The following BRINP3 variants were observed in gnomAD, a reference collection of about 807,000 sequenced individuals.
BRINP3 encodes BMP/retinoic acid-inducible neural-specific protein 3.
BRINP3 carries 19 observed loss-of-function variants against 71.0 expected under a neutral mutation model. That is an observed-to-expected ratio of 0.27 (90% confidence interval 0.19 to 0.39). The LOEUF (loss-of-function observed/expected upper bound fraction) is 0.39, where lower values mean the gene tolerates loss of function less well. BRINP3 is among the 10% of genes least tolerant of loss of function. The pLI is 1.00. For synonymous variants in BRINP3, 380 were observed against 337.7 expected (o/e 1.13, Z -1.37); for missense variants, 959 against 940.8 (o/e 1.02, Z -0.25).
intron 6 of BRINP3, among the ~76,000 whole-genome samples, chr1:190,184,935 C>A (rs1571936168): frequency 6.6e-6 from 1 of 152,044 alleles, no homozygotes. Context: ...GAAATCCCTA[C>A]CATATTCCAT....
intron 7 of BRINP3, among the ~76,000 whole-genome samples, chr1:190,109,846 G>A (rs1038608879): frequency 2.6e-5 from 4 of 152,180 alleles, no homozygotes; most frequent in African/African-American, 9.7e-5. Flanking sequence ...TTCAGCCTCA[G>A]ACTGAGAGTT....
intron 2 of BRINP3, among the ~76,000 whole-genome samples, chr1:190,298,082 T>C (rs1241001243): frequency 6.6e-6 from 1 of 152,074 alleles, no homozygotes; most frequent in African/African-American, 2.4e-5. Flanking sequence ...TTTAAGAAAT[T>C]GGTCAGCTTA....
At chr1:190,365,081 T>C (rs1669395117) in intron 2 of BRINP3, among the ~76,000 whole-genome samples, 3 of 152,144 alleles carry the variant, frequency 2.0e-5, no homozygotes, top group Non-Finnish European at 1.5e-5. Context: ...TTGTGAAATA[T>C]TAAGACATTA....
chr1:190,218,737 C>G (rs191448164), intron 6 of BRINP3, among the ~76,000 whole-genome samples: 2 of 151,484 alleles, frequency 1.3e-5, no homozygotes, highest in African/African-American at 2.4e-5. Context: ...TACCTCCCCC[C>G]ACCCTCCTTG....
chr1:190,115,107 T>G (rs1418812160), intron 7 of BRINP3, among the ~76,000 whole-genome samples: 1 of 152,168 alleles, frequency 6.6e-6, no homozygotes, highest in East Asian at 1.9e-4. Flanking sequence ...AAGTTTTATC[T>G]CACTTATTCA....
intron 5 of BRINP3, among the ~76,000 whole-genome samples, chr1:190,233,992 T>C (rs954036592): frequency 2.0e-5 from 3 of 152,130 alleles, no homozygotes; most frequent in Non-Finnish European, 2.9e-5. Context: ...ATGTCAACAG[T>C]TCATTTTATA....
intron 2 of BRINP3, among the ~76,000 whole-genome samples, chr1:190,306,125 A>T (rs536763501): frequency 9.9e-4 from 151 of 152,010 alleles, no homozygotes; most frequent in African/African-American, 3.4e-3. Flanking sequence ...TTTGTAATGC[A>T]TCTATAAATA....
At chr1:190,113,094 T>A (rs531881353) in intron 7 of BRINP3, among the ~76,000 whole-genome samples, 1 of 152,164 alleles carries the variant, frequency 6.6e-6, no homozygotes, top group Non-Finnish European at 1.5e-5. Flanking sequence ...TCGAATTATA[T>A]TGTACACTTT....
rs61819058 is a variant in BRINP3 at position 190,289,316 on chromosome 1, G to C, written c.237-7566C>G. ...TCTTAAAGGGAATTCCTTTTAAAAT[G>C]TTAGATGATTTTTCCCACATAGTTG... On this transcript the variant is annotated intron_variant, in intron 2 of 7. Coordinates refer to ENST00000367462, the MANE Select transcript of BRINP3 (RefSeq NM_199051.3). Among the ~76,000 whole-genome samples, 767 of 151,986 alleles carry C rather than the reference G, an allele frequency of 5.0e-3. 4 individuals carry two copies. The highest frequency in any genetic ancestry group is 8.4e-3 in the Non-Finnish European group (570 of 67,844).
intron 2 of BRINP3, among the ~76,000 whole-genome samples, chr1:190,340,987 C>T (rs1463641036): frequency 6.6e-6 from 1 of 151,752 alleles, no homozygotes; most frequent in Non-Finnish European, 1.5e-5. Flanking sequence ...TGCTCTTGTG[C>T]AGTTTATACT....
At chr1:190,342,083 G>A (rs939890487) in intron 2 of BRINP3, among the ~76,000 whole-genome samples, 7 of 150,970 alleles carry the variant, frequency 4.6e-5, no homozygotes, top group Non-Finnish European at 1.0e-4. Flanking sequence ...TAACTTCAAA[G>A]TCAGCAGGGT....
intron 2 of BRINP3, among the ~76,000 whole-genome samples, chr1:190,326,863 G>C (rs2103066962): frequency 6.6e-6 from 1 of 152,032 alleles, no homozygotes; most frequent in South Asian, 2.1e-4. Context: ...TAAGTACATA[G>C]CCCACAGACC....
At chr1:190,181,077 C>T (rs1010508102) in intron 6 of BRINP3, among the ~76,000 whole-genome samples, 2 of 152,040 alleles carry the variant, frequency 1.3e-5, no homozygotes, top group East Asian at 3.9e-4. Flanking sequence ...TGTACCTAAC[C>T]CCTGGCAAAC....
chr1:190,235,956 T>A (rs903519814), intron 4 of BRINP3, among the ~76,000 whole-genome samples: 2 of 151,930 alleles, frequency 1.3e-5, no homozygotes, highest in African/African-American at 4.8e-5. Context: ...TTTGTCTATT[T>A]TGTTCACTCA....
At chr1:190,236,928 T>C (rs1331869881) in intron 4 of BRINP3, among the ~76,000 whole-genome samples, 1 of 151,826 alleles carries the variant, frequency 6.6e-6, no homozygotes, top group East Asian at 1.9e-4. Context: ...TAAGTAAAAT[T>C]GGCATTAAGC....
At chr1:190,412,770 A>T (rs186967555) in intron 2 of BRINP3, among the ~76,000 whole-genome samples, 321 of 152,228 alleles carry the variant, frequency 2.1e-3, no homozygotes, top group African/African-American at 7.5e-3. Context: ...AATTACTACT[A>T]GTATGCATTT....
chr1:190,344,848 T>C (rs1667905636), intron 2 of BRINP3, among the ~76,000 whole-genome samples: 1 of 151,882 alleles, frequency 6.6e-6, no homozygotes, highest in Non-Finnish European at 1.5e-5. Flanking sequence ...TTTTAACCTA[T>C]ATGCCATCAA....
At chr1:190,443,384 G>A (rs1376088931) in intron 2 of BRINP3, among the ~76,000 whole-genome samples, 1 of 146,236 alleles carries the variant, frequency 6.8e-6, no homozygotes, top group African/African-American at 2.5e-5. Flanking sequence ...TAGCCTGGGC[G>A]ACAGAGCAAG....
chr1:190,272,347 A>G (rs974384163), intron 3 of BRINP3, among the ~76,000 whole-genome samples: 2 of 151,498 alleles, frequency 1.3e-5, no homozygotes, highest in African/African-American at 4.8e-5. Flanking sequence ...AGAGTCAGGT[A>G]TGTAAGGGCA....
Sources: allele counts gnomAD v4.1 joint callset (sites outside exome capture counted in the v4.1 genomes callset), GRCh38; gene constraint gnomAD v4.1.1; transcripts MANE v1.5; gene names NCBI Gene and HGNC (gene_info 2026-07-23, HGNC 2026-07-21).